The following MAGI1 variants were observed in gnomAD, a reference collection of about 807,000 sequenced individuals.
The protein encoded by MAGI1 is membrane associated guanylate kinase, WW and PDZ domain containing 1.
MAGI1 carries 58 observed loss-of-function variants against 139.9 expected under a neutral mutation model. The ratio of observed to expected loss-of-function variants is 0.41; its 90% confidence interval spans 0.34 to 0.52. MAGI1 has a LOEUF of 0.52. MAGI1 is among the 20% of genes least tolerant of loss of function. MAGI1 has a pLI of 0.12. For missense variants in MAGI1, 1,874 were observed against 1,901.6 expected (o/e 0.99, Z 0.27); for synonymous variants, 812 against 737.9 (o/e 1.10, Z -1.63).
chr3:65,362,158 G>C (rs1190997106), intron 21 of MAGI1, among the ~76,000 whole-genome samples: 4 of 152,088 alleles, frequency 2.6e-5, no homozygotes, highest in Non-Finnish European at 4.4e-5. Context: ...TAACTTCCTG[G>C]AGTCTACTTT....
chr3:65,798,323 AC>A lies in MAGI1; in HGVS notation c.314-176236del, dbSNP rs1337488912. 4.6e-5 allele frequency among the ~76,000 whole-genome samples: 7 copies of A among 152,050 alleles called. No homozygotes were observed. In the South Asian group the frequency reaches 6.2e-4, roughly 14 times the overall value. On this transcript the variant is annotated intron_variant, in intron 1 of 22. Transcript: ENST00000402939. ...CATCTCAAAACAAACAAACAAACAA[AC>A]AAACAAACAAACACAGCCTCAGAAG...
chr3:65,382,540 C>T (rs1020398395), intron 15 of MAGI1, among the ~76,000 whole-genome samples: 8 of 152,116 alleles, frequency 5.3e-5, no homozygotes, highest in Admixed American at 3.3e-4. Context: ...TTTTTGAAGT[C>T]TTTTAGCACC....
Position 65,422,163 on chromosome 3 carries a change from G to T in MAGI1, c.2167+7357C>A, listed in dbSNP as rs149887233. Among the ~76,000 whole-genome samples, 1,332 of 152,300 alleles carry T rather than the reference G, an allele frequency of 8.7e-3. 10 individuals are homozygous for T. Among genetic ancestry groups the T allele is most frequent in the South Asian group, 0.026 (127 of 4,822 alleles). On this transcript the variant is annotated intron_variant, in intron 12 of 22. Transcript: ENST00000402939. Reference sequence around the variant, plus strand: ...ACACTGTCCTATATCGTAGCCACTCGCCACATGTGGCTATGGAGCTCTTGA... The same window carrying T: ...ACACTGTCCTATATCGTAGCCACTCTCCACATGTGGCTATGGAGCTCTTGA...
intron 2 of MAGI1, among the ~76,000 whole-genome samples, chr3:65,550,267 G>A (rs1374384095): frequency 6.6e-6 from 1 of 152,200 alleles, no homozygotes; most frequent in East Asian, 1.9e-4. Context: ...AAAGCTCGGA[G>A]AGGTTAAGTA....
chr3:65,663,956 T>C (rs567864645), intron 1 of MAGI1, among the ~76,000 whole-genome samples: 1 of 152,324 alleles, frequency 6.6e-6, no homozygotes, highest in East Asian at 1.9e-4. Context: ...AACTATAATA[T>C]GTCAAGTCGT....
At chr3:65,479,296 C>T (rs983479083) in intron 3 of MAGI1, among the ~76,000 whole-genome samples, 5 of 152,078 alleles carry the variant, frequency 3.3e-5, no homozygotes, top group Admixed American at 1.3e-4. Flanking sequence ...CCCCACGTGG[C>T]GCCTCTTTAG....
chr3:65,924,102 T>A (rs564899499), intron 1 of MAGI1, among the ~76,000 whole-genome samples: 1 of 152,366 alleles, frequency 6.6e-6, no homozygotes, highest in Admixed American at 6.5e-5. Flanking sequence ...TAAGACCATC[T>A]GTAAAAAATG....
chr3:65,637,143 C>T (rs2084673230), intron 1 of MAGI1, among the ~76,000 whole-genome samples: 2 of 152,186 alleles, frequency 1.3e-5, no homozygotes, highest in East Asian at 1.9e-4. Context: ...GACAGTCCCA[C>T]CCAGGGGTTG....
intron 2 of MAGI1, among the ~76,000 whole-genome samples, chr3:65,570,369 T>A (rs1175064277): frequency 6.6e-6 from 1 of 151,024 alleles, no homozygotes; most frequent in African/African-American, 2.4e-5. Flanking sequence ...CCTAAAGTGC[T>A]AGGATCACAG....
chr3:65,838,019 A>G (rs996626776), intron 1 of MAGI1, among the ~76,000 whole-genome samples: 2 of 152,234 alleles, frequency 1.3e-5, no homozygotes, highest in African/African-American at 4.8e-5. Context: ...TAACCGTAGT[A>G]CAACTTCAAA....
At chr3:65,462,222 G>T (rs1022108137) in intron 5 of MAGI1, among the ~76,000 whole-genome samples, 1 of 152,146 alleles carries the variant, frequency 6.6e-6, no homozygotes, top group South Asian at 2.1e-4. Flanking sequence ...GTATTGCCTA[G>T]ATTTTCTTCT....
At chr3:65,930,315 CAAAAAAAAAAAAA>C (rs58258730) in intron 1 of MAGI1, among the ~76,000 whole-genome samples, 2 of 87,628 alleles carry the variant, frequency 2.3e-5, no homozygotes, top group Non-Finnish European at 2.3e-5. Flanking sequence ...GACTCCGTCT[CAAAAAAAAAAAAA>C]AAAAAAAAAA....
intron 1 of MAGI1, among the ~76,000 whole-genome samples, chr3:65,732,381 C>T (rs1209504195): frequency 6.6e-6 from 1 of 152,200 alleles, no homozygotes; most frequent in African/African-American, 2.4e-5. Context: ...GTGAAGAGTA[C>T]AACCTCATCC....
At chr3:65,422,694 C>T (rs1373632931) in intron 12 of MAGI1, among the ~76,000 whole-genome samples, 4 of 152,088 alleles carry the variant, frequency 2.6e-5, no homozygotes, top group African/African-American at 7.2e-5. Context: ...ATCACGAGAA[C>T]AGACAGTGAT....
intron 1 of MAGI1, among the ~76,000 whole-genome samples, chr3:66,021,619 G>C (rs1029408244): frequency 1.3e-5 from 2 of 152,156 alleles, no homozygotes; most frequent in Admixed American, 1.3e-4. Context: ...CATTCAGCCA[G>C]AGCACCTTTA....
intron 3 of MAGI1, among the ~76,000 whole-genome samples, chr3:65,487,426 A>T (rs1951700936): frequency 6.6e-6 from 1 of 152,186 alleles, no homozygotes; most frequent in Non-Finnish European, 1.5e-5. Flanking sequence ...CAAAAGAAGC[A>T]TTACTTTTCA....
chr3:65,430,705 C>G lies in MAGI1; in HGVS notation c.1540G>C (p.Glu514Gln). Residue 514 changes from glutamate to glutamine, a missense_variant, in exon 11 of 23, where the codon GAA becomes CAA. Physicochemically the swap from Glu to Gln is conservative, Grantham distance 29. This residue lies in a region of MAGI1 where 86 missense variants were observed against 130.0 expected (regional missense o/e 0.66). Transcript: ENST00000402939. Reference protein sequence around the residue: ...DGPAALDGKMETGDVIVSVND... With the variant: ...DGPAALDGKMQTGDVIVSVND... ...AAGGCCATGTTGACGCTACCTGTTT[C>G]CATCTTGCCATCCAATGCAGCAGGA... is the stretch of plus-strand genomic sequence containing the variant. 2 of 1,613,222 alleles carry G rather than the reference C, an allele frequency of 1.2e-6. No individual in the cohort carries two copies. Among genetic ancestry groups the G allele is most frequent in the Non-Finnish European group, 1.7e-6 (2 of 1,179,606 alleles).
chr3:66,017,230 G>A (rs2067694118), intron 1 of MAGI1, among the ~76,000 whole-genome samples: 1 of 152,240 alleles, frequency 6.6e-6, no homozygotes, highest in Non-Finnish European at 1.5e-5. Flanking sequence ...GGAGAAAGTA[G>A]GAGTTAGTCA....
At chr3:65,430,983 C>CTAGA in intron 10 of MAGI1, 102 bp from the exon 11 acceptor site, 2 of 1,111,550 alleles carry the variant, frequency 1.8e-6, no homozygotes, top group East Asian at 5.1e-5. Flanking sequence ...CGCTTATGCC[C>CTAGA]TAGAGCCTTT....
Sources: allele counts gnomAD v4.1 joint callset (sites outside exome capture counted in the v4.1 genomes callset), GRCh38; gene constraint gnomAD v4.1.1; regional missense constraint gnomAD v4.1.1; transcripts MANE v1.5; gene names NCBI Gene and HGNC (gene_info 2026-07-23, HGNC 2026-07-21).